XKR6: variants seen among roughly 807,000 people sequenced by gnomAD.
The protein encoded by XKR6 is XK related 6, also known as XK-related protein 6.
In XKR6, 22 loss-of-function variants were observed where a neutral mutation model predicts 56.7. The ratio of observed to expected loss-of-function variants is 0.39; its 90% confidence interval spans 0.28 to 0.55. The LOEUF (loss-of-function observed/expected upper bound fraction) is 0.55, where lower values mean the gene tolerates loss of function less well. Among genes scored for constraint, XKR6 ranks in the 20% least tolerant of loss-of-function variants. The probability of loss-of-function intolerance (pLI) is 0.66; values close to 1 mark genes in which losing one functional copy is unlikely to be tolerated. For synonymous variants in XKR6, 524 were observed against 387.8 expected (o/e 1.35, Z -4.13); for missense variants, 852 against 889.0 (o/e 0.96, Z 0.53).
At chr8:10,998,579 G>A (rs1468185977) in intron 1 of XKR6, among the ~76,000 whole-genome samples, 1 of 152,236 alleles carries the variant, frequency 6.6e-6, no homozygotes, top group African/African-American at 2.4e-5. Context: ...AGCAGCAGCT[G>A]ATGAGGCAGA....
intron 1 of XKR6, chr8:11,108,475 C>T (rs537254925): frequency 2.4e-6 from 1 of 408,400 alleles, no homozygotes; most frequent in East Asian, 7.1e-5. Flanking sequence ...ATTTAAAAAA[C>T]AGGACATTAG....
rs200259992 is a variant in XKR6, at chr8:10,898,654, G to A, written c.1224C>T (p.Phe408=). The A allele has an allele frequency of 2.5e-6, 4 of 1,614,150 alleles. No individual in the cohort carries two copies. The East Asian group carries it at 8.9e-5, about 36-fold the overall frequency. Residue 408 remains phenylalanine, a synonymous_variant, in exon 3 of 3, where the codon TTC becomes TTT. Coordinates refer to ENST00000416569, the MANE Select transcript of XKR6 (RefSeq NM_173683.4). The surrounding 1 kb of genome is among the most constrained non-coding windows in gnomAD (Gnocchi z 6.6). ...AFWIIHGGTD[F]CMSKWEEILF... is the part of the protein sequence containing the mutation. ...GGATCTCCTCCCACTTGGACATGCA[G>A]AAGTCTGTTCCGCCATGGATGATCC... is the stretch of plus-strand genomic sequence containing the variant.
chr8:11,057,081 C>T (rs1799703922), intron 1 of XKR6, among the ~76,000 whole-genome samples: 2 of 152,352 alleles, frequency 1.3e-5, no homozygotes, highest in African/African-American at 2.4e-5. Flanking sequence ...CACATCCTTA[C>T]TCAAAAGCCG....
intron 1 of XKR6, among the ~76,000 whole-genome samples, chr8:11,011,394 G>C (rs1433505109): frequency 1.3e-5 from 2 of 152,236 alleles, no homozygotes; most frequent in Admixed American, 1.3e-4. Flanking sequence ...AAGGGTACAG[G>C]TACACAGCGG....
intron 1 of XKR6, among the ~76,000 whole-genome samples, chr8:11,188,444 T>C (rs1476274269): frequency 1.3e-5 from 2 of 152,244 alleles, no homozygotes; most frequent in Admixed American, 6.5e-5. Context: ...TTTTGTTTCA[T>C]CTGCAAACTG....
At chr8:10,932,004 AC>A (rs757824315) in intron 1 of XKR6, among the ~76,000 whole-genome samples, 15 of 152,350 alleles carry the variant, frequency 9.8e-5, no homozygotes, top group East Asian at 5.8e-4. Flanking sequence ...CTAGAAAAAA[AC>A]AATCCAATTT....
chr8:11,124,789 A>G (rs1287929559), intron 1 of XKR6: 1 of 152,148 alleles, frequency 6.6e-6, no homozygotes, highest in East Asian at 1.9e-4. Flanking sequence ...CTTTTTAAAA[A>G]AAGTATTGAT....
rs1799904055 is a variant in XKR6, at chr8:10,897,090, C to T, written c.*862G>A. On this transcript the variant is annotated 3_prime_UTR_variant, in exon 3 of 3. Coordinates refer to ENST00000416569, the MANE Select transcript of XKR6 (RefSeq NM_173683.4). ...TGGCTTTTTGTTTTGTTCTGGTTTG[C>T]TTTTCACTGGGAAACGAATGTGATT... The T allele has an allele frequency of 2.6e-5, 4 of 152,710 alleles. No individual in the cohort carries two copies. In the South Asian group the frequency reaches 8.3e-4, roughly 32 times the overall value. 9.5% of individuals were successfully genotyped at this position (152,710 alleles called of 1,614,324 possible). A position where few individuals can be genotyped will look rare whatever the true frequency, so the allele number is the denominator to read the frequency against.
chr8:11,043,194 C>T (rs1483168431), intron 1 of XKR6, among the ~76,000 whole-genome samples: 1 of 151,526 alleles, frequency 6.6e-6, no homozygotes, highest in East Asian at 1.9e-4. Flanking sequence ...TAATATATGC[C>T]CAATGCGTCT....
At chr8:11,116,935 A>G (rs368743469) in intron 1 of XKR6, among the ~76,000 whole-genome samples, 1 of 152,184 alleles carries the variant, frequency 6.6e-6, no homozygotes, top group African/African-American at 2.4e-5. Context: ...CCTCAGAGGT[A>G]TATTTCAGCT....
intron 1 of XKR6, among the ~76,000 whole-genome samples, chr8:11,191,900 T>C (rs1803599506): frequency 6.6e-6 from 1 of 152,190 alleles, no homozygotes; most frequent in Non-Finnish European, 1.5e-5. Context: ...CTTAATTTTC[T>C]TAGGTGCAAT....
At chr8:10,986,971 T>C (rs1003583029) in intron 1 of XKR6, among the ~76,000 whole-genome samples, 2 of 151,938 alleles carry the variant, frequency 1.3e-5, no homozygotes, top group African/African-American at 4.8e-5. Context: ...AGTTTTCTCT[T>C]AGAGATGGGG....
chr8:10,952,375 T>C (rs1404703472), intron 1 of XKR6, among the ~76,000 whole-genome samples: 1 of 152,222 alleles, frequency 6.6e-6, no homozygotes, highest in Admixed American at 6.5e-5. Flanking sequence ...ACTAATACAG[T>C]CAGTACGTCA....
At chr8:11,170,300 G>T in intron 1 of XKR6, among the ~76,000 whole-genome samples, 1 of 152,162 alleles carries the variant, frequency 6.6e-6, no homozygotes, top group East Asian at 1.9e-4. Flanking sequence ...ACAACCAAAT[G>T]TTCCCAACTC....
intron 1 of XKR6, among the ~76,000 whole-genome samples, chr8:11,172,204 T>G (rs746370104): frequency 4.0e-5 from 6 of 151,882 alleles, no homozygotes; most frequent in Non-Finnish European, 7.4e-5. Context: ...CACCCATCTC[T>G]ACAAAAAATA....
intron 1 of XKR6, chr8:11,106,787 T>C (rs1368470119): frequency 3.6e-5 from 5 of 139,932 alleles, no homozygotes; most frequent in Admixed American, 7.3e-5. Flanking sequence ...GAGGTGGAGG[T>C]TGCAGTGAGC....
intron 1 of XKR6, chr8:11,104,622 ACAGT>A (rs1798607599): frequency 6.6e-6 from 1 of 152,246 alleles, no homozygotes; most frequent in Non-Finnish European, 1.5e-5. Context: ...TGTGACATAT[ACAGT>A]CAGTCTTAAA....
chr8:11,127,096 G>C (rs1289389457), intron 1 of XKR6, among the ~76,000 whole-genome samples: 1 of 152,156 alleles, frequency 6.6e-6, no homozygotes, highest in East Asian at 1.9e-4. Flanking sequence ...GGGTACTCTA[G>C]GTGGTACATT....
chr8:11,048,235 AC>A (rs760014861), intron 1 of XKR6, among the ~76,000 whole-genome samples: 61 of 151,940 alleles, frequency 4.0e-4, no homozygotes, highest in Non-Finnish European at 8.4e-4. Flanking sequence ...GTCACCTCAC[AC>A]CATCAGCAAG....
Sources: allele counts gnomAD v4.1 joint callset (sites outside exome capture counted in the v4.1 genomes callset), GRCh38; gene constraint gnomAD v4.1.1; non-coding constraint Gnocchi (gnomAD v3.1); transcripts MANE v1.5; gene names NCBI Gene and HGNC (gene_info 2026-07-23, HGNC 2026-07-21).